Variants in NRXN1 observed in about 807,000 individuals in gnomAD.
NRXN1 encodes neurexin 1, also known as neurexin-1.
In NRXN1, 39 loss-of-function variants were observed where a neutral mutation model predicts 150.9. The ratio of observed to expected loss-of-function variants is 0.26; its 90% confidence interval spans 0.20 to 0.34. NRXN1 has a LOEUF of 0.34. Ranked by LOEUF, NRXN1 falls within the 10% of genes least tolerant of loss-of-function variation. NRXN1 has a pLI of 1.00. For synonymous variants in NRXN1, 924 were observed against 757.0 expected (o/e 1.22, Z -3.62); for missense variants, 1,815 against 1,949.9 (o/e 0.93, Z 1.30).
intron 5 of NRXN1, among the ~76,000 whole-genome samples, chr2:50,678,154 A>C (rs924427532): frequency 1.3e-5 from 2 of 152,122 alleles, no homozygotes; most frequent in African/African-American, 4.8e-5. Flanking sequence ...GTCTGATTTT[A>C]TCAAGTCACC....
chr2:49,969,610 T>C (rs558427873), intron 21 of NRXN1: 5 of 152,068 alleles, frequency 3.3e-5, no homozygotes, highest in Non-Finnish European at 7.4e-5. Context: ...TTTTTCATTA[T>C]AGGTAAATTC....
intron 2 of NRXN1, among the ~76,000 whole-genome samples, chr2:50,929,114 A>G (rs1687351316): frequency 6.6e-6 from 1 of 152,058 alleles, no homozygotes; most frequent in Non-Finnish European, 1.5e-5. Context: ...TCACTGTAAA[A>G]GAGCATCTTC....
intron 5 of NRXN1, among the ~76,000 whole-genome samples, chr2:50,711,712 C>A (rs1253602533): frequency 1.3e-5 from 2 of 152,012 alleles, no homozygotes; most frequent in Non-Finnish European, 2.9e-5. Context: ...AGAAACTTAA[C>A]CCCGAATGCA....
At chr2:49,954,957 T>C (rs534341016) in intron 21 of NRXN1, among the ~76,000 whole-genome samples, 1 of 152,206 alleles carries the variant, frequency 6.6e-6, no homozygotes, top group Non-Finnish European at 1.5e-5. Context: ...ACCTGGCTTA[T>C]ATTCTTAAAG....
At chr2:50,873,118 C>G (rs892590817) in intron 5 of NRXN1, among the ~76,000 whole-genome samples, 3 of 151,842 alleles carry the variant, frequency 2.0e-5, no homozygotes, top group Admixed American at 6.6e-5. Flanking sequence ...GCTATTGGGT[C>G]ATGAGCACAT....
chr2:50,436,201 C>T (rs1034541084), intron 17 of NRXN1, among the ~76,000 whole-genome samples: 2 of 152,148 alleles, frequency 1.3e-5, no homozygotes, highest in African/African-American at 2.4e-5. Context: ...CGCCTGTAAT[C>T]CCAGCACTTT....
chr2:50,470,720 G>T (rs1008509848), intron 16 of NRXN1, among the ~76,000 whole-genome samples: 3 of 151,726 alleles, frequency 2.0e-5, no homozygotes, highest in Non-Finnish European at 4.4e-5. Context: ...TATTACAGGA[G>T]AGGCAGCAAC....
intron 15 of NRXN1, among the ~76,000 whole-genome samples, chr2:50,480,976 C>A (rs2090413834): frequency 6.6e-6 from 1 of 152,204 alleles, no homozygotes; most frequent in Admixed American, 6.5e-5. Flanking sequence ...GTATCCTTAA[C>A]TTGACCAAGC....
intron 17 of NRXN1, among the ~76,000 whole-genome samples, chr2:50,353,617 C>G (rs1397126044): frequency 6.6e-6 from 1 of 152,102 alleles, no homozygotes; most frequent in African/African-American, 2.4e-5. Flanking sequence ...ATTAAACACA[C>G]AATAAATATG....
At chr2:50,033,706 G>T (rs879061954) in intron 21 of NRXN1, among the ~76,000 whole-genome samples, 1 of 151,896 alleles carries the variant, frequency 6.6e-6, no homozygotes, top group Non-Finnish European at 1.5e-5. Flanking sequence ...CAGAATGAGA[G>T]AAAATTTTTG....
chr2:50,605,308 G>C (rs1020750132), intron 8 of NRXN1, among the ~76,000 whole-genome samples: 1 of 152,154 alleles, frequency 6.6e-6, no homozygotes, highest in African/African-American at 2.4e-5. Flanking sequence ...GAGGCAATGT[G>C]AATTATCCAT....
intron 12 of NRXN1, among the ~76,000 whole-genome samples, chr2:50,519,633 T>G (rs1435875074): frequency 3.3e-5 from 5 of 151,920 alleles, no homozygotes; most frequent in Admixed American, 6.6e-5. Context: ...TTGATCTTCC[T>G]AAGGTAAGAT....
At chr2:50,427,860 T>C (rs2084629115) in intron 17 of NRXN1, among the ~76,000 whole-genome samples, 1 of 152,184 alleles carries the variant, frequency 6.6e-6, no homozygotes, top group African/African-American at 2.4e-5. Flanking sequence ...TGCCATGTCC[T>C]GAGAAAAATG....
chr2:50,292,821 A>G (rs1382645187), intron 17 of NRXN1, among the ~76,000 whole-genome samples: 1 of 152,190 alleles, frequency 6.6e-6, no homozygotes, highest in Non-Finnish European at 1.5e-5. Context: ...AACAATCTCA[A>G]TAATGCCAAA....
chr2:50,598,682 G>C (rs1000688095), intron 8 of NRXN1, among the ~76,000 whole-genome samples: 2 of 144,752 alleles, frequency 1.4e-5, no homozygotes, highest in Non-Finnish European at 1.5e-5. Context: ...ATATGTGTAT[G>C]TATATACATA....
chr2:50,267,667 C>T (rs1259185192), intron 17 of NRXN1, among the ~76,000 whole-genome samples: 5 of 152,064 alleles, frequency 3.3e-5, no homozygotes, highest in Non-Finnish European at 7.4e-5. Flanking sequence ...ATGCCCATAG[C>T]ATATGAGGTA....
At position 50,169,063 on chromosome 2, in the gene NRXN1, C is replaced by G. The variant is rs1052799178; in HGVS notation, c.3546+67726G>C. Reference sequence around the variant, plus strand: ...ACGTATCACTGTAACATAATAATAGCTCATATTGAGCAAGTACTCTGGGCT... The same window carrying G: ...ACGTATCACTGTAACATAATAATAGGTCATATTGAGCAAGTACTCTGGGCT... On this transcript the variant is annotated intron_variant, in intron 18 of 22. Transcript: ENST00000401669. Among the ~76,000 whole-genome samples, 3 of 152,162 alleles carry G rather than the reference C, an allele frequency of 2.0e-5. No individual in the cohort carries two copies. The East Asian group carries it at 5.8e-4, about 29-fold the overall frequency.
At chr2:50,748,541 A>T (rs148269575) in intron 5 of NRXN1, among the ~76,000 whole-genome samples, 28 of 152,230 alleles carry the variant, frequency 1.8e-4, no homozygotes, top group African/African-American at 6.7e-4. Context: ...TATAATCAAT[A>T]TAACAAAGGC....
chr2:49,932,460 C>T (rs543391276), intron 22 of NRXN1, among the ~76,000 whole-genome samples: 21 of 151,918 alleles, frequency 1.4e-4, no homozygotes, highest in Non-Finnish European at 2.1e-4. Context: ...CTTTCCTTTT[C>T]GCTTTCCTTT....
Sources: gnomAD v4.1 joint callset for allele counts (sites outside exome capture counted in the v4.1 genomes callset) on GRCh38, gnomAD v4.1.1 for gene constraint, MANE v1.5 for transcripts, NCBI Gene and HGNC (gene_info 2026-07-23, HGNC 2026-07-21) for gene names.